The following KCNN3 variants were observed in gnomAD, a reference collection of about 807,000 sequenced individuals.
The protein encoded by KCNN3 is potassium calcium-activated channel subfamily N member 3, also known as small conductance calcium-activated potassium channel protein 3.
Under a neutral mutation model 62.9 loss-of-function variants are expected in KCNN3, and 16 were observed. That is an observed-to-expected ratio of 0.25 (90% CI 0.17 to 0.39). The LOEUF (loss-of-function observed/expected upper bound fraction) is 0.39, where lower values mean the gene tolerates loss of function less well. Among genes scored for constraint, KCNN3 ranks in the 10% least tolerant of loss-of-function variants. KCNN3 has a pLI of 1.00. For synonymous variants in KCNN3, 370 were observed against 389.2 expected (o/e 0.95, Z 0.58); for missense variants, 599 against 949.4 (o/e 0.63, Z 4.85).
intron 2 of KCNN3, among the ~76,000 whole-genome samples, chr1:154,783,013 A>C (rs752096382): frequency 7.4e-4 from 112 of 152,256 alleles, no homozygotes; most frequent in African/African-American, 8.9e-4. Context: ...GAGATTGAGA[A>C]CATCCTGGCT....
chr1:154,721,447 C>T (rs1700345310), intron 5 of KCNN3, among the ~76,000 whole-genome samples: 1 of 151,780 alleles, frequency 6.6e-6, no homozygotes, highest in South Asian at 2.1e-4. Flanking sequence ...TTACAGGCAC[C>T]CACCACCATG....
At chr1:154,831,140 T>C (rs1651363999) in intron 1 of KCNN3, among the ~76,000 whole-genome samples, 1 of 152,232 alleles carries the variant, frequency 6.6e-6, no homozygotes, top group Non-Finnish European at 1.5e-5. Flanking sequence ...TGAGGCCTTT[T>C]TAAAGGCAGT....
chr1:154,764,624 G>A (rs1317932870), intron 3 of KCNN3, among the ~76,000 whole-genome samples: 3 of 152,102 alleles, frequency 2.0e-5, no homozygotes, highest in Admixed American at 1.3e-4. Context: ...ATAGGACAAC[G>A]CATCTGGCAT....
rs182798348 is a variant in KCNN3 at position 154,867,776 on chromosome 1, C to G, written c.933+1256G>C. On this transcript the variant is annotated intron_variant, in intron 1 of 7. Transcript: ENST00000271915. ...TGACAAATAAATAGAAAAACCCAAGCAACAAGCAGGCGCATGCATACGTAC... is the reference window on the plus strand; with the variant it reads ...TGACAAATAAATAGAAAAACCCAAGGAACAAGCAGGCGCATGCATACGTAC... Among the ~76,000 whole-genome samples, 59 of 137,954 alleles carry G rather than the reference C, an allele frequency of 4.3e-4. No homozygotes were observed. The Middle Eastern group carries it at 0.012, about 29-fold the overall frequency. The allele number at this position is 137,954 out of a possible 152,430, so 90.5% of individuals were successfully genotyped here. A position where few individuals can be genotyped will look rare whatever the true frequency, so the allele number is the denominator to read the frequency against.
chr1:154,813,177 G>A (rs1319292236), intron 2 of KCNN3, among the ~76,000 whole-genome samples: 1 of 151,590 alleles, frequency 6.6e-6, no homozygotes, highest in Non-Finnish European at 1.5e-5. Flanking sequence ...GCTGGGGTGG[G>A]AGCCCCTTGG....
chr1:154,865,459 C>A, intron 1 of KCNN3, among the ~76,000 whole-genome samples: 1 of 152,168 alleles, frequency 6.6e-6, no homozygotes, highest in Non-Finnish European at 1.5e-5. Context: ...ATGTCCCAGG[C>A]ATAATAATGA....
intron 1 of KCNN3, among the ~76,000 whole-genome samples, chr1:154,822,843 G>A (rs1202956966): frequency 2.6e-5 from 4 of 152,186 alleles, no homozygotes; most frequent in African/African-American, 4.8e-5. Context: ...TGGGGGAGGT[G>A]AGCCCCGTGG....
chr1:154,822,977 C>A (rs373995689), intron 1 of KCNN3, among the ~76,000 whole-genome samples: 3 of 152,216 alleles, frequency 2.0e-5, no homozygotes, highest in Middle Eastern at 3.2e-3. Flanking sequence ...GGCTACCTGA[C>A]CTTGGAACGC....
At chr1:154,829,447 C>T (rs1259006151) in intron 1 of KCNN3, among the ~76,000 whole-genome samples, 4 of 152,200 alleles carry the variant, frequency 2.6e-5, no homozygotes, top group Admixed American at 1.3e-4. Context: ...GGGGCTAAAC[C>T]TCACTGCCAC....
chr1:154,851,960 G>A (rs938065967), intron 1 of KCNN3, among the ~76,000 whole-genome samples: 2 of 152,110 alleles, frequency 1.3e-5, no homozygotes, highest in Non-Finnish European at 2.9e-5. Flanking sequence ...CCTCCCCTGT[G>A]ACCTCACAAC....
chr1:154,808,991 G>A (rs998411032), intron 2 of KCNN3, among the ~76,000 whole-genome samples: 14 of 152,242 alleles, frequency 9.2e-5, no homozygotes, highest in Middle Eastern at 3.4e-3. Context: ...GCTGCTCTGC[G>A]CCCACTGGAT....
rs1650904219 is a variant in KCNN3, at chr1:154,821,645, C to T, written c.1029+444G>A. Among the ~76,000 whole-genome samples the T allele has an allele frequency of 2.6e-5, 4 of 152,202 alleles. No homozygotes were observed. In the South Asian group the frequency reaches 8.3e-4, roughly 31 times the overall value. On this transcript the variant is annotated intron_variant, in intron 2 of 7. Coordinates refer to ENST00000271915, the MANE Select transcript of KCNN3 (RefSeq NM_002249.6). ...GACCACACCATTCACAAAAAGCAGA[C>T]TCCTTGGTGGAGTTTGGTGCAGCAT... is the stretch of plus-strand genomic sequence containing the variant.
intron 1 of KCNN3, among the ~76,000 whole-genome samples, chr1:154,861,510 C>G (rs1373830076): frequency 6.6e-6 from 1 of 152,168 alleles, no homozygotes; most frequent in Admixed American, 6.5e-5. Context: ...CATGCCTGCT[C>G]TATTCCCTAC....
chr1:154,866,479 G>A (rs1324139690), intron 1 of KCNN3, among the ~76,000 whole-genome samples: 2 of 152,192 alleles, frequency 1.3e-5, no homozygotes, highest in Admixed American at 1.3e-4. Flanking sequence ...GCAGAGCTGG[G>A]ATTCCAACTC....
chr1:154,755,539 AAAGG>A (rs1301250674), intron 3 of KCNN3, among the ~76,000 whole-genome samples: 3 of 80,852 alleles, frequency 3.7e-5, no homozygotes, highest in African/African-American at 6.9e-5. Flanking sequence ...AGAAGAAAGG[AAAGG>A]AAGGAAGGAA....
intron 1 of KCNN3, among the ~76,000 whole-genome samples, chr1:154,845,028 A>AG (rs1651991566): frequency 6.6e-6 from 1 of 151,502 alleles, no homozygotes; most frequent in South Asian, 2.1e-4. Context: ...AAAGAGAGAG[A>AG]AAAAAAACTG....
chr1:154,862,190 C>T lies in KCNN3; in HGVS notation c.933+6842G>A, dbSNP rs2101935340. Among the ~76,000 whole-genome samples the T allele has an allele frequency of 6.6e-6, 1 of 152,306 alleles. No homozygotes were observed. Among genetic ancestry groups the T allele is most frequent in the Middle Eastern group, 3.4e-3 (1 of 294 alleles). On this transcript the variant is annotated intron_variant, in intron 1 of 7. Coordinates refer to ENST00000271915, the MANE Select transcript of KCNN3 (RefSeq NM_002249.6). The surrounding 1 kb of genome is among the most constrained non-coding windows in gnomAD (Gnocchi z 4.1). ...ACCTGAGCTCTCATTCTAGAACCCTCTCTTTCCTGAGATGGGCACCTGGAG... is the reference window on the plus strand; with the variant it reads ...ACCTGAGCTCTCATTCTAGAACCCTTTCTTTCCTGAGATGGGCACCTGGAG...
intron 2 of KCNN3, among the ~76,000 whole-genome samples, chr1:154,788,125 T>C (rs1649364045): frequency 6.6e-6 from 1 of 152,118 alleles, no homozygotes; most frequent in African/African-American, 2.4e-5. Flanking sequence ...CGGTCACCCT[T>C]TCTGACTGTC....
chr1:154,851,926 C>A (rs1652314710), intron 1 of KCNN3, among the ~76,000 whole-genome samples: 1 of 152,218 alleles, frequency 6.6e-6, no homozygotes, highest in Non-Finnish European at 1.5e-5. Context: ...GGACGGTCTA[C>A]AAATCCCTGC....
Sources: gnomAD v4.1 joint callset for allele counts (sites outside exome capture counted in the v4.1 genomes callset) on GRCh38, gnomAD v4.1.1 for gene constraint, Gnocchi (gnomAD v3.1) non-coding constraint, MANE v1.5 for transcripts, NCBI Gene and HGNC (gene_info 2026-07-23, HGNC 2026-07-21) for gene names.